ORC5: variants seen among roughly 807,000 people sequenced by gnomAD.
ORC5 encodes protein phosphatase 1, regulatory subunit 117.
A neutral mutation model predicts 58.8 loss-of-function variants in ORC5; 39 were observed. The observed-to-expected ratio is 0.66, with a 90% CI of 0.51 to 0.87. The LOEUF (loss-of-function observed/expected upper bound fraction) is 0.87, where lower values mean the gene tolerates loss of function less well. Ranked by LOEUF, ORC5 falls within the 40% of genes least tolerant of loss-of-function variation. The pLI is 0.00. For synonymous variants in ORC5, 218 were observed against 177.6 expected, an observed-to-expected ratio of 1.23 and a Z score of -1.81; for missense variants, 493 against 506.3, an observed-to-expected ratio of 0.97 and a Z score of 0.25.
chr7:104,197,297 T>A (rs949091454), intron 4 of ORC5, among the ~76,000 whole-genome samples: 2 of 151,938 alleles, frequency 1.3e-5, no homozygotes, highest in Non-Finnish European at 2.9e-5. Flanking sequence ...AACACAAGAG[T>A]AAACTGAAAT....
At chr7:104,206,856 T>C (rs1490132150) in intron 1 of ORC5, among the ~76,000 whole-genome samples, 1 of 152,226 alleles carries the variant, frequency 6.6e-6, no homozygotes, top group African/African-American at 2.4e-5. Context: ...TTCAGTATAG[T>C]AGCACCGCTG....
intron 9 of ORC5, among the ~76,000 whole-genome samples, chr7:104,167,214 T>G (rs1400634167): frequency 1.3e-5 from 2 of 152,176 alleles, no homozygotes; most frequent in African/African-American, 4.8e-5. Context: ...TACTATGAAT[T>G]CCTACTCTGA....
In ORC5 at chr7:104,207,906, C is replaced by G. The variant is rs748583130; in HGVS notation, c.-2G>C. 6.2e-6 allele frequency: 10 copies of G among 1,614,090 alleles called. No individual in the cohort carries two copies. In the East Asian group the frequency reaches 1.8e-4, roughly 29 times the overall value. ...CACCACGTTTTCCAAGTGGGGCATT[C>G]TGGCAGGCACCACCGCAGAGGCCAG... On this transcript the variant is annotated 5_prime_UTR_variant, in exon 1 of 14. Transcript: ENST00000297431.
chr7:104,136,207 ACT>A lies in ORC5; in HGVS notation c.1262+572_1262+573del, dbSNP rs1354231452. 1.3e-5 allele frequency among the ~76,000 whole-genome samples: 2 copies of A among 151,632 alleles called. No individual in the cohort carries two copies. Among genetic ancestry groups the A allele is most frequent in the Non-Finnish European group, 2.9e-5 (2 of 67,928 alleles). On this transcript the variant is annotated intron_variant, in intron 13 of 13. Transcript: ENST00000297431. The surrounding 1 kb of genome is among the most constrained non-coding windows in gnomAD (Gnocchi z 4.2). ...GTCCTTCCTAAGGCTTTTCTCTCAC[ACT>A]CTGTCCTTCAGTCAGGGATGTGACA...
At chr7:104,200,220 C>T (rs1228281357) in intron 3 of ORC5, among the ~76,000 whole-genome samples, 2 of 152,178 alleles carry the variant, frequency 1.3e-5, no homozygotes, top group Non-Finnish European at 2.9e-5. Context: ...AAAGTCTTTA[C>T]TATCTCCTAT....
Position 104,204,309 on chromosome 7 carries a change from T to C in ORC5, c.73-75A>G, listed in dbSNP as rs1245121967. The stretch of plus-strand genomic sequence containing the variant: ...AAACACTTATCAACTTGTGAGAAAG[T>C]TGTACGTGGAAAAGTGAAATATTCA... On this transcript the variant is annotated intron_variant, in intron 1 of 13. Transcript: ENST00000297431. 3 of 861,824 alleles carry C rather than the reference T, an allele frequency of 3.5e-6. No homozygotes were observed. In the South Asian group the frequency reaches 5.0e-5, roughly 14 times the overall value. The allele number at this position is 861,824 out of a possible 1,614,324, so 53.4% of individuals were successfully genotyped here. A position where few individuals can be genotyped will look rare whatever the true frequency, so the allele number is the denominator to read the frequency against.
intron 8 of ORC5, among the ~76,000 whole-genome samples, chr7:104,170,441 A>C (rs1268263811): frequency 6.6e-6 from 1 of 152,182 alleles, no homozygotes; most frequent in Admixed American, 6.5e-5. Context: ...TCTAAGAGGA[A>C]GACAAGTCAG....
chr7:104,191,180 C>T (rs1331035894), intron 5 of ORC5, among the ~76,000 whole-genome samples: 1 of 145,850 alleles, frequency 6.9e-6, no homozygotes, highest in East Asian at 2.0e-4. Flanking sequence ...ATTCTAATAG[C>T]AAACTTTAAA....
At chr7:104,142,298 G>A (rs796358586) in intron 12 of ORC5, among the ~76,000 whole-genome samples, 6 of 152,088 alleles carry the variant, frequency 3.9e-5, no homozygotes, top group African/African-American at 9.6e-5. Context: ...AAAAGTAAAC[G>A]TAGGGAAAAA....
chr7:104,198,679 T>C (rs1313833488), intron 3 of ORC5, among the ~76,000 whole-genome samples: 1 of 152,176 alleles, frequency 6.6e-6, no homozygotes. Flanking sequence ...GACCATGAGG[T>C]AGAAAAGAAA....
intron 1 of ORC5, among the ~76,000 whole-genome samples, chr7:104,206,738 T>C (rs1800095646): frequency 6.6e-6 from 1 of 152,206 alleles, no homozygotes; most frequent in Admixed American, 6.5e-5. Context: ...GGACCACATA[T>C]ACAACAGTGA....
chr7:104,150,179 A>G (rs1486945165), intron 12 of ORC5, among the ~76,000 whole-genome samples: 1 of 152,232 alleles, frequency 6.6e-6, no homozygotes, highest in African/African-American at 2.4e-5. Context: ...AAGAAAATCA[A>G]TTTACAACTG....
chr7:104,169,814 A>G (rs180802201), intron 8 of ORC5, among the ~76,000 whole-genome samples: 110 of 152,180 alleles, frequency 7.2e-4, no homozygotes, highest in African/African-American at 2.4e-3. Context: ...TCTTTTCCCA[A>G]TTTTTAAGTT....
At chr7:104,179,931 C>A (rs1799400875) in intron 8 of ORC5, among the ~76,000 whole-genome samples, 1 of 152,030 alleles carries the variant, frequency 6.6e-6, no homozygotes, top group Non-Finnish European at 1.5e-5. Flanking sequence ...TCACTTTTTT[C>A]CTCTGATTAT....
intron 6 of ORC5, chr7:104,187,726 A>C: frequency 1.0e-6 from 1 of 959,742 alleles, no homozygotes; most frequent in Non-Finnish European, 1.2e-6. Flanking sequence ...TGTTAAAAAA[A>C]AAAAATTAAA....
In ORC5 at chr7:104,206,982, C is replaced by A. The variant is rs141504936; in HGVS notation, c.72+851G>T. Among the ~76,000 whole-genome samples, 278 of 152,212 alleles carry A rather than the reference C, an allele frequency of 1.8e-3. 1 individual carries two copies. Among genetic ancestry groups the A allele is most frequent in the Non-Finnish European group, 2.9e-3 (196 of 68,026 alleles). ...CTGATATTCACAGGGATTAAATTGC[C>A]TAACGATGCATTTCTCAGGACGTAT... On this transcript the variant is annotated intron_variant, in intron 1 of 13. Transcript: ENST00000297431.
intron 5 of ORC5, among the ~76,000 whole-genome samples, chr7:104,189,986 G>A (rs1799637680): frequency 1.3e-5 from 2 of 152,092 alleles, no homozygotes; most frequent in South Asian, 4.1e-4. Context: ...CTAACTTCTG[G>A]TAGTTAGTGT....
rs754903761 is a variant in ORC5, at chr7:104,136,898, AAG to A, written c.1150-7_1150-6del. On this transcript the variant is annotated splice_region_variant and splice_polypyrimidine_tract_variant and intron_variant, in intron 12 of 13. Transcript: ENST00000297431. The surrounding 1 kb of genome is among the most constrained non-coding windows in gnomAD (Gnocchi z 4.2). The stretch of plus-strand genomic sequence containing the variant: ...AAGGGTCACTAGAGAGGTAATCTAA[AAG>A]AGAACATTTTTATAAGAAACTGTTT... 4 of 1,588,204 alleles carry A rather than the reference AAG, an allele frequency of 2.5e-6. No individual in the cohort carries two copies. In the East Asian group the frequency reaches 8.9e-5, roughly 36 times the overall value.
chr7:104,190,229 C>A (rs1401841835), intron 5 of ORC5, among the ~76,000 whole-genome samples: 1 of 151,774 alleles, frequency 6.6e-6, no homozygotes, highest in Non-Finnish European at 1.5e-5. Flanking sequence ...TTATTACCGG[C>A]AAAATCAGTA....
Sources: gnomAD v4.1 joint callset for allele counts (sites outside exome capture counted in the v4.1 genomes callset) on GRCh38, gnomAD v4.1.1 for gene constraint, Gnocchi (gnomAD v3.1) non-coding constraint, MANE v1.5 for transcripts, NCBI Gene and HGNC (gene_info 2026-07-23, HGNC 2026-07-21) for gene names.